CBFA2T2: variants seen among roughly 807,000 people sequenced by gnomAD.
CBFA2T2 encodes protein CBFA2T2.
A neutral mutation model predicts 62.2 loss-of-function variants in CBFA2T2; 11 were observed. The observed-to-expected ratio is 0.18, with a 90% CI of 0.11 to 0.29. The LOEUF is 0.29. Among genes scored for constraint, CBFA2T2 ranks in the 10% least tolerant of loss-of-function variants. The pLI is 1.00. For missense variants in CBFA2T2, 592 were observed against 774.1 expected, an observed-to-expected ratio of 0.76 and a Z score of 2.79; for synonymous variants, 295 against 287.5, an observed-to-expected ratio of 1.03 and a Z score of -0.27.
intron 8 of CBFA2T2, 54 bp downstream of exon 8, chr20:33,629,968 C>T: frequency 6.8e-7 from 1 of 1,465,876 alleles, no homozygotes; most frequent in Non-Finnish European, 9.1e-7. Flanking sequence ...TTAGAGCCCA[C>T]CAATCTGTCA....
chr20:33,494,028 G>A (rs2011169214), intron 1 of CBFA2T2, among the ~76,000 whole-genome samples: 1 of 150,232 alleles, frequency 6.7e-6, no homozygotes, highest in Non-Finnish European at 1.5e-5. Flanking sequence ...GATTTCAGGT[G>A]TATGGCACCA....
chr20:33,620,284 G>A (rs1322909266), intron 4 of CBFA2T2, among the ~76,000 whole-genome samples: 1 of 151,998 alleles, frequency 6.6e-6, no homozygotes, highest in Non-Finnish European at 1.5e-5. Flanking sequence ...AAGGCAGGTG[G>A]ATTGCATGAG....
intron 1 of CBFA2T2, chr20:33,574,213 T>C: frequency 6.2e-7 from 1 of 1,613,608 alleles, no homozygotes; most frequent in Non-Finnish European, 8.5e-7. Flanking sequence ...GGCTAAAGAA[T>C]CTGGAATAAG....
At chr20:33,623,785 T>G in intron 5 of CBFA2T2, 1 of 714,474 alleles carries the variant, frequency 1.4e-6, no homozygotes, top group Non-Finnish European at 2.6e-6. Flanking sequence ...GCATAATACA[T>G]CTAAAATCTA....
At position 33,490,271 on chromosome 20, in the gene CBFA2T2, G is replaced by A; in HGVS notation, c.4G>A (p.Val2Ile). ...CGCGCGGCGGCGGCGCTCGGCGATG[G>A]TAGGCGTCCCTGGAGCGGCCGCCTT... M[V>I]GVPGAAAFQL... Residue 2 changes from valine to isoleucine, a missense_variant, in exon 1 of 11, where the codon GTA becomes ATA. Physicochemically the swap from Val to Ile is conservative, Grantham distance 29 (BLOSUM62 3). Transcript: ENST00000342704. 1 of 1,255,146 alleles carries A rather than the reference G, an allele frequency of 8.0e-7. No homozygotes were observed. The highest frequency in any genetic ancestry group is 1.0e-6 in the Non-Finnish European group (1 of 1,001,416). The allele number at this position is 1,255,146 out of a possible 1,614,324, so 77.8% of individuals were successfully genotyped here.
At chr20:33,563,796 C>T (rs183290271) in intron 1 of CBFA2T2, among the ~76,000 whole-genome samples, 1 of 152,070 alleles carries the variant, frequency 6.6e-6, no homozygotes, top group African/African-American at 2.4e-5. Context: ...GATTCCTAAA[C>T]CCCTTGCATT....
intron 6 of CBFA2T2, 61 bp downstream of exon 6, chr20:33,625,078 A>G: frequency 2.6e-6 from 4 of 1,523,102 alleles, no homozygotes; most frequent in Non-Finnish European, 1.8e-6. Context: ...TTCCAACTCA[A>G]TGATAAAGTC....
At chr20:33,569,233 G>T (rs149234358) in intron 1 of CBFA2T2, among the ~76,000 whole-genome samples, 50 of 152,314 alleles carry the variant, frequency 3.3e-4, no homozygotes, top group African/African-American at 1.2e-3. Flanking sequence ...CCAGTGGGCA[G>T]TATGTTAGGA....
intron 1 of CBFA2T2, among the ~76,000 whole-genome samples, chr20:33,539,350 A>G (rs1262392888): frequency 6.6e-6 from 1 of 152,226 alleles, no homozygotes; most frequent in Admixed American, 6.5e-5. Context: ...AAGTGAAGGA[A>G]TGAATGCTTG....
intron 1 of CBFA2T2, among the ~76,000 whole-genome samples, chr20:33,576,002 T>C (rs2013809124): frequency 6.6e-6 from 1 of 151,860 alleles, no homozygotes. Flanking sequence ...TTAGCCAGGA[T>C]GGCCTCGATC....
chr20:33,503,698 A>C (rs1220550626), intron 1 of CBFA2T2, among the ~76,000 whole-genome samples: 1 of 151,570 alleles, frequency 6.6e-6, no homozygotes, highest in Non-Finnish European at 1.5e-5. Flanking sequence ...AATCTTTTTA[A>C]ATTTTTTGTG....
At chr20:33,515,843 T>C (rs2011591876) in intron 1 of CBFA2T2, among the ~76,000 whole-genome samples, 1 of 147,340 alleles carries the variant, frequency 6.8e-6, no homozygotes, top group South Asian at 2.1e-4. Flanking sequence ...GAATATCTTA[T>C]AATTACTTTC....
intron 1 of CBFA2T2, among the ~76,000 whole-genome samples, chr20:33,496,359 C>A (rs1484566367): frequency 1.3e-5 from 2 of 152,236 alleles, no homozygotes. Context: ...CAGAACTTTT[C>A]ACACCACCAC....
intron 1 of CBFA2T2, among the ~76,000 whole-genome samples, chr20:33,547,686 A>ATGT (rs1600955190): frequency 2.8e-5 from 3 of 107,086 alleles, no homozygotes; most frequent in Non-Finnish European, 5.9e-5. Context: ...GTCTCAAAAA[A>ATGT]ATGTGTGTGT....
chr20:33,569,330 GTTGT>G lies in CBFA2T2; in HGVS notation c.35-37620_35-37617del, dbSNP rs1175676157. On this transcript the variant is annotated intron_variant, in intron 1 of 10. Coordinates refer to ENST00000342704, the MANE Select transcript of CBFA2T2 (RefSeq NM_001032999.3). The stretch of plus-strand genomic sequence containing the variant: ...AAATGCTTTAATTTTGCATTATTTT[GTTGT>G]TTGTTCTCTGTGTTTACACAAATAA... Among the ~76,000 whole-genome samples, 11 of 152,142 alleles carry G rather than the reference GTTGT, an allele frequency of 7.2e-5. 1 individual carries two copies. Among genetic ancestry groups the G allele is most frequent in the Admixed American group, 1.3e-4 (2 of 15,272 alleles).
intron 1 of CBFA2T2, among the ~76,000 whole-genome samples, chr20:33,559,697 A>G (rs1252639809): frequency 6.6e-6 from 1 of 152,014 alleles, no homozygotes; most frequent in South Asian, 2.1e-4. Context: ...CGTGTTGGCT[A>G]GGATGGTCTT....
chr20:33,504,584 A>G (rs779398484), intron 1 of CBFA2T2, among the ~76,000 whole-genome samples: 8 of 151,714 alleles, frequency 5.3e-5, no homozygotes, highest in Non-Finnish European at 1.2e-4. Context: ...TTGTATTTTT[A>G]GTAGAGATGG....
chr20:33,621,739 A>G (rs1277599841), intron 4 of CBFA2T2, among the ~76,000 whole-genome samples: 1 of 152,248 alleles, frequency 6.6e-6, no homozygotes, highest in Non-Finnish European at 1.5e-5. Context: ...TTACTAAAGT[A>G]CTAATACCAG....
intron 5 of CBFA2T2, among the ~76,000 whole-genome samples, chr20:33,624,250 A>AG (rs1455434879): frequency 1.3e-3 from 195 of 150,654 alleles, no homozygotes; most frequent in African/African-American, 4.5e-3. Flanking sequence ...AAAAAAAAAA[A>AG]AAAAAGAAAA....
Sources: allele counts gnomAD v4.1 joint callset (sites outside exome capture counted in the v4.1 genomes callset), GRCh38; gene constraint gnomAD v4.1.1; transcripts MANE v1.5; gene names NCBI Gene and HGNC (gene_info 2026-07-23, HGNC 2026-07-21).